Variants in DCC observed in about 807,000 individuals in gnomAD.
DCC encodes the protein DCC netrin 1 receptor.
In DCC, 58 loss-of-function variants were observed where a neutral mutation model predicts 172.5. The observed-to-expected ratio is 0.34, with a 90% CI of 0.27 to 0.42. DCC has a LOEUF of 0.42. Ranked by LOEUF, DCC falls within the 10% of genes least tolerant of loss-of-function variation. The probability of loss-of-function intolerance (pLI) is 1.00; values close to 1 mark genes in which losing one functional copy is unlikely to be tolerated. For missense variants in DCC, 1,740 were observed against 1,791.0 expected, an observed-to-expected ratio of 0.97 and a Z score of 0.51; for synonymous variants, 709 against 644.5, an observed-to-expected ratio of 1.10 and a Z score of -1.52.
At chr18:52,541,718 CT>C (rs2032453185) in intron 1 of DCC, among the ~76,000 whole-genome samples, 1 of 151,782 alleles carries the variant, frequency 6.6e-6, no homozygotes, top group Non-Finnish European at 1.5e-5. Context: ...CCTTGATATT[CT>C]TGTTAAATGG....
chr18:53,403,543 C>A (rs571734873), intron 19 of DCC, among the ~76,000 whole-genome samples: 3 of 152,084 alleles, frequency 2.0e-5, no homozygotes, highest in Non-Finnish European at 4.4e-5. Flanking sequence ...TAATGGAGTT[C>A]TATCAGAGAT....
intron 1 of DCC, among the ~76,000 whole-genome samples, chr18:52,622,321 G>A (rs898143451): frequency 2.6e-5 from 4 of 152,178 alleles, no homozygotes; most frequent in African/African-American, 4.8e-5. Context: ...AGAGTACATT[G>A]TTCTACAATC....
At chr18:52,473,519 G>A (rs892812467) in intron 1 of DCC, among the ~76,000 whole-genome samples, 2 of 152,162 alleles carry the variant, frequency 1.3e-5, no homozygotes, top group African/African-American at 4.8e-5. Flanking sequence ...GTCTGGGGAG[G>A]CCTCAGGAAA....
At chr18:52,749,759 T>G (rs1316703306) in intron 1 of DCC, among the ~76,000 whole-genome samples, 1 of 152,216 alleles carries the variant, frequency 6.6e-6, no homozygotes, top group Non-Finnish European at 1.5e-5. Context: ...GTGTTAAATG[T>G]ATTATGTGTT....
At chr18:53,015,186 A>G (rs1018102931) in intron 5 of DCC, among the ~76,000 whole-genome samples, 2 of 152,224 alleles carry the variant, frequency 1.3e-5, no homozygotes, top group Non-Finnish European at 2.9e-5. Flanking sequence ...TGTTTAACAA[A>G]GATAATCCCA....
intron 22 of DCC, among the ~76,000 whole-genome samples, chr18:53,441,749 A>G (rs1398318574): frequency 6.6e-6 from 1 of 152,152 alleles, no homozygotes; most frequent in Non-Finnish European, 1.5e-5. Context: ...CTCTTAGCTG[A>G]TCTCCATGCT....
At chr18:53,287,868 C>T (rs1244946429) in intron 12 of DCC, among the ~76,000 whole-genome samples, 2 of 152,036 alleles carry the variant, frequency 1.3e-5, no homozygotes, top group African/African-American at 4.8e-5. Context: ...AAAAAGTAGC[C>T]ACTGCCTCAA....
In DCC at chr18:53,505,661, A is replaced by G. The variant is rs2046163693; in HGVS notation, c.4111+6151A>G. Among the ~76,000 whole-genome samples, 2 of 152,222 alleles carry G rather than the reference A, an allele frequency of 1.3e-5. 1 individual carries two copies. On this transcript the variant is annotated intron_variant, in intron 27 of 28. Coordinates refer to ENST00000442544, the MANE Select transcript of DCC (RefSeq NM_005215.4). ...TAAAGTATTCAGTGGCCATCCAGAT[A>G]ATCGTAAGAGAAAGTGAAAAATAAT...
In DCC at chr18:53,018,649, A is replaced by C. The variant is rs536996672; in HGVS notation, c.986-44656A>C. Among the ~76,000 whole-genome samples, 339 of 152,288 alleles carry C rather than the reference A, an allele frequency of 2.2e-3. 1 individual carries two copies. Among genetic ancestry groups the C allele is most frequent in the Non-Finnish European group, 3.6e-3 (246 of 67,978 alleles). On this transcript the variant is annotated intron_variant, in intron 5 of 28. Coordinates refer to ENST00000442544, the MANE Select transcript of DCC (RefSeq NM_005215.4). ...ACCAGGGTTTATTATGTTGCATAGA[A>C]TATGGTATGTGCTCAAGGAGCATTT...
chr18:52,700,757 G>C (rs2036111513), intron 1 of DCC, among the ~76,000 whole-genome samples: 2 of 152,202 alleles, frequency 1.3e-5, no homozygotes, highest in South Asian at 4.1e-4. Context: ...TTTGCCAACT[G>C]ACAGAGTCGG....
At chr18:53,404,548 G>C (rs1231662621) in intron 19 of DCC, among the ~76,000 whole-genome samples, 1 of 151,828 alleles carries the variant, frequency 6.6e-6, no homozygotes, top group Non-Finnish European at 1.5e-5. Flanking sequence ...TGGCTAACAC[G>C]GTGAAACCCT....
intron 25 of DCC, among the ~76,000 whole-genome samples, chr18:53,469,849 C>G (rs1205508985): frequency 1.3e-5 from 2 of 152,164 alleles, no homozygotes; most frequent in African/African-American, 4.8e-5. Context: ...TTTACAGTCA[C>G]TCTCCACTGA....
intron 2 of DCC, among the ~76,000 whole-genome samples, chr18:52,859,142 A>T (rs1461462427): frequency 2.6e-5 from 4 of 152,188 alleles, no homozygotes; most frequent in South Asian, 2.1e-4. Context: ...GCAAAAAAAA[A>T]ATTAAAATTA....
chr18:52,941,944 G>A (rs562429163), intron 5 of DCC, among the ~76,000 whole-genome samples: 9 of 151,820 alleles, frequency 5.9e-5, no homozygotes, highest in Non-Finnish European at 1.2e-4. Flanking sequence ...CACCATGCCC[G>A]GCTAATTTTT....
intron 1 of DCC, among the ~76,000 whole-genome samples, chr18:52,543,606 G>C (rs1310775763): frequency 6.6e-6 from 1 of 152,318 alleles, no homozygotes; most frequent in East Asian, 1.9e-4. Flanking sequence ...TGGGATAATT[G>C]TGAAACCCTT....
intron 8 of DCC, among the ~76,000 whole-genome samples, chr18:53,177,901 T>G (rs1348327592): frequency 7.9e-5 from 12 of 152,048 alleles, no homozygotes. Context: ...TCATCATTCA[T>G]GCACTTAGAA....
intron 1 of DCC, among the ~76,000 whole-genome samples, chr18:52,508,119 T>C (rs1288976095): frequency 6.6e-6 from 1 of 151,890 alleles, no homozygotes. Flanking sequence ...AAATTATTAT[T>C]ATTATTTCAT....
chr18:53,428,008 TA>T lies in DCC; in HGVS notation c.3164-7134del. ...TAATATATTATAATAATATATAATA[TA>T]ATACTATAATAATATAGAATATATC... On this transcript the variant is annotated intron_variant, in intron 21 of 28. Transcript: ENST00000442544. Among the ~76,000 whole-genome samples the T allele has an allele frequency of 2.7e-5, 2 of 74,770 alleles. 1 individual carries two copies. The highest frequency in any genetic ancestry group is 9.4e-5 in the African/African-American group (2 of 21,382). The allele number at this position is 74,770 out of a possible 152,430, so 49.1% of individuals were successfully genotyped here. A position where few individuals can be genotyped will look rare whatever the true frequency, so the allele number is the denominator to read the frequency against.
intron 12 of DCC, among the ~76,000 whole-genome samples, chr18:53,250,445 T>C (rs564203480): frequency 1.1e-4 from 17 of 152,032 alleles, no homozygotes; most frequent in African/African-American, 4.1e-4. Context: ...GGCAATCAGC[T>C]GTCTCTAAGG....
Sources: allele counts gnomAD v4.1 joint callset (sites outside exome capture counted in the v4.1 genomes callset), GRCh38; gene constraint gnomAD v4.1.1; transcripts MANE v1.5; gene names NCBI Gene and HGNC (gene_info 2026-07-23, HGNC 2026-07-21).